The following SLC25A21 variants were observed in gnomAD, a reference collection of about 807,000 sequenced individuals.
SLC25A21 encodes solute carrier family 25 member 21.
SLC25A21 carries 47 observed loss-of-function variants against 43.8 expected under a neutral mutation model. The ratio of observed to expected loss-of-function variants is 1.07; its 90% CI spans 0.85 to 1.37. The LOEUF (loss-of-function observed/expected upper bound fraction) is 1.37. Ranked by LOEUF, SLC25A21 falls within the 40% of genes most tolerant of loss-of-function variation. SLC25A21 has a pLI of 0.00. For missense variants in SLC25A21, 352 were observed against 350.2 expected (o/e 1.00, Z -0.04); for synonymous variants, 131 against 121.3 (o/e 1.08, Z -0.52).
intron 1 of SLC25A21, among the ~76,000 whole-genome samples, chr14:37,099,702 A>G (rs933039454): frequency 2.0e-5 from 3 of 152,116 alleles, no homozygotes; most frequent in Non-Finnish European, 4.4e-5. Flanking sequence ...TGCACCAACA[A>G]TGGCAGGCTC....
intron 1 of SLC25A21, among the ~76,000 whole-genome samples, chr14:36,981,167 T>C (rs1048770740): frequency 9.2e-5 from 14 of 152,072 alleles, no homozygotes; most frequent in African/African-American, 3.1e-4. Context: ...AGAATGGTGA[T>C]CATTAAAAAG....
chr14:36,812,719 C>A (rs538134640), intron 3 of SLC25A21, among the ~76,000 whole-genome samples: 2 of 151,960 alleles, frequency 1.3e-5, no homozygotes, highest in Non-Finnish European at 2.9e-5. Flanking sequence ...AAATGATTAG[C>A]AGAATAGTAT....
At chr14:37,120,638 C>A (rs942986202) in intron 1 of SLC25A21, among the ~76,000 whole-genome samples, 1 of 152,120 alleles carries the variant, frequency 6.6e-6, no homozygotes, top group Non-Finnish European at 1.5e-5. Flanking sequence ...AAAGACACTG[C>A]GCACTACAAG....
At chr14:36,893,107 C>A (rs1259195047) in intron 1 of SLC25A21, among the ~76,000 whole-genome samples, 1 of 152,144 alleles carries the variant, frequency 6.6e-6, no homozygotes, top group Non-Finnish European at 1.5e-5. Flanking sequence ...AGTTCCAGAT[C>A]CCTGAGGAAT....
intron 3 of SLC25A21, among the ~76,000 whole-genome samples, chr14:36,786,848 C>T (rs78951550): frequency 0.02 from 2,974 of 152,240 alleles, 80 homozygotes; most frequent in African/African-American, 0.067. Context: ...AGCCTCTGTA[C>T]AGGAAATGTT....
chr14:36,889,283 C>G (rs1392596707), intron 1 of SLC25A21, among the ~76,000 whole-genome samples: 1 of 152,164 alleles, frequency 6.6e-6, no homozygotes, highest in Non-Finnish European at 1.5e-5. Context: ...TTAGGATAAT[C>G]TTTATTTCCA....
At chr14:37,086,425 T>C (rs1962488457) in intron 1 of SLC25A21, among the ~76,000 whole-genome samples, 1 of 152,146 alleles carries the variant, frequency 6.6e-6, no homozygotes. Flanking sequence ...GTTTGTGTAA[T>C]AGTCATGTTA....
intron 1 of SLC25A21, among the ~76,000 whole-genome samples, chr14:37,132,739 T>A (rs115071683): frequency 2.4e-4 from 36 of 152,080 alleles, no homozygotes; most frequent in African/African-American, 8.7e-4. Context: ...AGCTATATTT[T>A]TTTTTTTTAA....
chr14:36,957,408 T>A (rs1959369086), intron 1 of SLC25A21, among the ~76,000 whole-genome samples: 1 of 152,204 alleles, frequency 6.6e-6, no homozygotes, highest in Admixed American at 6.5e-5. Flanking sequence ...GGCTTGCCCA[T>A]TAATGTGCTG....
At position 36,729,554 on chromosome 14, in the gene SLC25A21, C is replaced by A. The variant is rs1424326218; in HGVS notation, c.283G>T (p.Glu95Ter). Residue 95 changes from glutamate to a stop codon, truncating the protein, a stop_gained, in exon 5 of 10, where the codon GAG (glutamate) becomes TAG (stop). Coordinates refer to ENST00000331299, the MANE Select transcript of SLC25A21 (RefSeq NM_030631.4). LOFTEE classifies it high-confidence loss of function. Reference sequence around the variant, plus strand: ...TATCCCAGCAATTTCTTGTACTGCTCAAAGGTGAAAAACTGTGAAACAAAA... The same window carrying A: ...TATCCCAGCAATTTCTTGTACTGCTAAAAGGTGAAAAACTGTGAAACAAAA... Reference protein sequence around the residue: ...PKRAVKFFTFEQYKKLLGYVS... With the variant: ...PKRAVKFFTF The A allele has an allele frequency of 1.2e-6, 2 of 1,608,562 alleles. No individual in the cohort carries two copies. Among genetic ancestry groups the A allele is most frequent in the Non-Finnish European group, 1.7e-6 (2 of 1,178,164 alleles).
chr14:36,744,577 T>C (rs1885414742), intron 3 of SLC25A21, among the ~76,000 whole-genome samples: 2 of 152,132 alleles, frequency 1.3e-5, no homozygotes, highest in South Asian at 2.1e-4. Context: ...CTTGAAACTA[T>C]AAAAATACTA....
intron 1 of SLC25A21, among the ~76,000 whole-genome samples, chr14:36,876,701 C>G (rs140858654): frequency 2.0e-4 from 30 of 152,032 alleles, no homozygotes; most frequent in East Asian, 9.7e-4. Context: ...ATGGACTCAT[C>G]ATTTACCCAT....
chr14:36,836,114 T>C (rs1281526064), intron 2 of SLC25A21, among the ~76,000 whole-genome samples: 1 of 152,228 alleles, frequency 6.6e-6, no homozygotes, highest in Non-Finnish European at 1.5e-5. Flanking sequence ...GTATGAAGAA[T>C]ATGCGGCCTG....
chr14:36,924,786 A>C (rs918927164), intron 1 of SLC25A21, among the ~76,000 whole-genome samples: 7 of 152,206 alleles, frequency 4.6e-5, no homozygotes, highest in African/African-American at 1.7e-4. Context: ...TACACTATTT[A>C]TATAGCATTT....
intron 1 of SLC25A21, among the ~76,000 whole-genome samples, chr14:36,892,902 T>G (rs1157411489): frequency 6.6e-6 from 1 of 152,198 alleles, no homozygotes; most frequent in Non-Finnish European, 1.5e-5. Flanking sequence ...GGCTGCATAG[T>G]ATTCCATGGT....
rs538520180 is a variant in SLC25A21 at position 36,886,582 on chromosome 14, A to G, written c.71-11578T>C. On this transcript the variant is annotated intron_variant, in intron 1 of 9. Coordinates refer to ENST00000331299, the MANE Select transcript of SLC25A21 (RefSeq NM_030631.4). Reference sequence around the variant, plus strand: ...GAAATATATTTCAGAGGTATAAACCATATGCACACATTATGGTCTAGAAAT... The same window carrying G: ...GAAATATATTTCAGAGGTATAAACCGTATGCACACATTATGGTCTAGAAAT... Among the ~76,000 whole-genome samples, 8 of 152,340 alleles carry G rather than the reference A, an allele frequency of 5.3e-5. No homozygotes were observed. The South Asian group carries it at 1.7e-3, about 32-fold the overall frequency.
intron 1 of SLC25A21, among the ~76,000 whole-genome samples, chr14:36,976,741 CG>C (rs1252389557): frequency 6.6e-6 from 1 of 152,184 alleles, no homozygotes; most frequent in African/African-American, 2.4e-5. Flanking sequence ...AGCTTGACCT[CG>C]GAAGGAACCA....
chr14:36,932,944 C>T (rs1227655488), intron 1 of SLC25A21, among the ~76,000 whole-genome samples: 1 of 151,986 alleles, frequency 6.6e-6, no homozygotes. Flanking sequence ...TAAGTAAAAG[C>T]ACATTAATTA....
chr14:36,930,982 T>G (rs1413527966), intron 1 of SLC25A21, among the ~76,000 whole-genome samples: 2 of 152,094 alleles, frequency 1.3e-5, no homozygotes, highest in Non-Finnish European at 1.5e-5. Context: ...AAATTCAGCT[T>G]AGAAATGACC....
Sources: allele counts gnomAD v4.1 joint callset (sites outside exome capture counted in the v4.1 genomes callset), GRCh38; gene constraint gnomAD v4.1.1; transcripts MANE v1.5; gene names NCBI Gene and HGNC (gene_info 2026-07-23, HGNC 2026-07-21).